The following CTHRC1 variants were observed in gnomAD, a reference collection of about 807,000 sequenced individuals.
CTHRC1 encodes collagen triple helix repeat-containing protein 1.
In CTHRC1, 21 loss-of-function variants were observed where a neutral mutation model predicts 25.9. The observed-to-expected ratio is 0.81, with a 90% CI of 0.57 to 1.17. The LOEUF (loss-of-function observed/expected upper bound fraction) is 1.17, where lower values mean the gene tolerates loss of function less well. CTHRC1 is among the 50% of genes most tolerant of loss of function. The probability of loss-of-function intolerance (pLI) is 0.00; values close to 1 mark genes in which losing one functional copy is unlikely to be tolerated. For missense variants in CTHRC1, 281 were observed against 304.3 expected (o/e 0.92, Z 0.57); for synonymous variants, 109 against 113.1 (o/e 0.96, Z 0.23).
Position 103,371,759 on chromosome 8 carries a change from A to C in CTHRC1, c.103A>C (p.Lys35Gln). Residue 35 changes from lysine (K) to glutamine (Q), a missense_variant, in exon 1 of 4, where the codon AAG becomes CAG. By Grantham distance (53) the Lys-to-Gln change is moderately conservative (BLOSUM62 1). Coordinates refer to ENST00000330295, the MANE Select transcript of CTHRC1 (RefSeq NM_138455.4). ...PAPSSASEIP[K>Q]GKQKAQLRQR... ...GCCGTCGAGCGCCTCTGAGATCCCCAAGGGGAAGCAAAAGGCGCAGCTCCG... is the reference window on the plus strand; with the variant it reads ...GCCGTCGAGCGCCTCTGAGATCCCCCAGGGGAAGCAAAAGGCGCAGCTCCG... 1 of 1,534,966 alleles carries C rather than the reference A, an allele frequency of 6.5e-7. No homozygotes were observed. The highest frequency in any genetic ancestry group is 8.8e-7 in the Non-Finnish European group (1 of 1,140,936).
In CTHRC1 at chr8:103,382,470, G is replaced by T; in HGVS notation, c.602G>T (p.Cys201Phe). 6.2e-7 allele frequency: 1 copy of T among 1,613,842 alleles called. No individual in the cohort carries two copies. Among genetic ancestry groups the T allele is most frequent in the Non-Finnish European group, 8.5e-7 (1 of 1,179,854 alleles). The change falls in exon 4 of 4, where the codon TGT (cysteine) becomes TTT (phenylalanine). Residue 201 changes from cysteine to phenylalanine, a missense_variant. Transcript: ENST00000330295. ...CTTTGTCTTGCAGTGGAAGGACTTT[G>T]TGAAGGAATTGGTGCTGGATTAGTG... ...IHRTSSVEGL[C>F]EGIGAGLVDV... is the part of the protein sequence containing the mutation.
intron 1 of CTHRC1, among the ~76,000 whole-genome samples, chr8:103,372,193 C>T (rs552108687): frequency 6.6e-6 from 1 of 152,212 alleles, no homozygotes; most frequent in Admixed American, 6.5e-5. Flanking sequence ...CGAAGTGGAC[C>T]TGGGAAAAAC....
chr8:103,372,053 G>A (rs1815714017), intron 1 of CTHRC1, among the ~76,000 whole-genome samples: 1 of 152,144 alleles, frequency 6.6e-6, no homozygotes, highest in African/African-American at 2.4e-5. Flanking sequence ...GCGGACATGC[G>A]ATATGGGCCC....
In CTHRC1 at chr8:103,375,745, G is replaced by A; in HGVS notation, c.158G>A (p.Gly53Glu). 6.2e-7 allele frequency: 1 copy of A among 1,613,434 alleles called. No homozygotes were observed. Among genetic ancestry groups the A allele is most frequent in the Non-Finnish European group, 8.5e-7 (1 of 1,179,452 alleles). ...TTTTCTTTCTCATTATAGTATAATG[G>A]AATGTGCTTACAAGGGCCAGCAGGA... ...RQREVVDLYN[G>E]MCLQGPAGVP... Residue 53 changes from glycine to glutamate, a missense_variant, in exon 2 of 4, where the codon GGA becomes GAA. Transcript: ENST00000330295.
rs771540899 is a variant in CTHRC1 at position 103,382,524 on chromosome 8, C to T, written c.656C>T (p.Ser219Leu). 6.2e-7 allele frequency: 1 copy of T among 1,613,256 alleles called. No homozygotes were observed. Among genetic ancestry groups the T allele is most frequent in the South Asian group, 1.1e-5 (1 of 91,062 alleles). The change falls in exon 4 of 4, where the codon TCA (serine) becomes TTA (leucine). Residue 219 changes from serine (S) to leucine (L), a missense_variant. Transcript: ENST00000330295. ...GTTGCTATCTGGGTTGGTACTTGTT[C>T]AGATTACCCAAAAGGAGATGCTTCT... Reference protein sequence around the residue: ...VDVAIWVGTCSDYPKGDASTG... With the variant: ...VDVAIWVGTCLDYPKGDASTG...
intron 2 of CTHRC1, among the ~76,000 whole-genome samples, chr8:103,376,488 A>T (rs936883158): frequency 3.3e-5 from 5 of 152,214 alleles, no homozygotes; most frequent in African/African-American, 1.2e-4. Context: ...CTGCAACATT[A>T]AGGCTGAGTG....
At position 103,382,668 on chromosome 8, in the gene CTHRC1, TTAAA is replaced by T. The variant is rs1366016812; in HGVS notation, c.*72_*75del. ...TGGAATGGTTCACTTAAATGACATT[TTAAA>T]TAAGTTTATGTATACATCTGAATGA... On this transcript the variant is annotated 3_prime_UTR_variant, in exon 4 of 4. Coordinates refer to ENST00000330295, the MANE Select transcript of CTHRC1 (RefSeq NM_138455.4). The T allele has an allele frequency of 3.7e-6, 5 of 1,348,568 alleles. No individual in the cohort carries two copies. Among genetic ancestry groups the T allele is most frequent in the Non-Finnish European group, 5.3e-6 (5 of 939,754 alleles). The allele number at this position is 1,348,568 out of a possible 1,614,324, so 83.5% of individuals were successfully genotyped here. A position where few individuals can be genotyped will look rare whatever the true frequency, so the allele number is the denominator to read the frequency against.
chr8:103,380,545 A>G (rs1815888800), intron 3 of CTHRC1, among the ~76,000 whole-genome samples: 3 of 152,230 alleles, frequency 2.0e-5, no homozygotes. Flanking sequence ...AATGGTTGTC[A>G]TCTGTTACAT....
At chr8:103,377,113 G>C (rs1046525862) in intron 2 of CTHRC1, 30 of 152,108 alleles carry the variant, frequency 2.0e-4, no homozygotes, top group Non-Finnish European at 2.8e-4. Flanking sequence ...AGGATAATAG[G>C]TCCATGAGCC....
intron 1 of CTHRC1, among the ~76,000 whole-genome samples, chr8:103,373,802 C>T (rs1815756407): frequency 6.6e-6 from 1 of 151,128 alleles, no homozygotes; most frequent in Non-Finnish European, 1.5e-5. Flanking sequence ...TTGAGATCCA[C>T]TGATATATAA....
rs748382570 is a variant in CTHRC1 at position 103,375,780 on chromosome 8, C to T, written c.193C>T (p.Arg65Ter). 2.2e-5 allele frequency: 36 copies of T among 1,613,810 alleles called. 1 individual carries two copies. The East Asian group carries it at 6.0e-4, about 27-fold the overall frequency. Residue 65 changes from arginine to a stop codon, truncating the protein, a stop_gained, in exon 2 of 4, where the codon CGA becomes TGA. Transcript: ENST00000330295. LOFTEE classifies it high-confidence loss of function. ...ACAAGGGCCAGCAGGAGTGCCTGGT[C>T]GAGACGGGAGCCCTGGGGCCAATGG... is the stretch of plus-strand genomic sequence containing the variant. ...CLQGPAGVPGRDGSPGANGIP... is the reference protein window; with the variant it reads ...CLQGPAGVPG
rs761452801 is a variant in CTHRC1 at position 103,375,954 on chromosome 8, A to G, written c.367A>G (p.Ile123Val). Residue 123 changes from isoleucine (I) to valine (V), a missense_variant, in exon 2 of 4, where the codon ATT becomes GTT. Transcript: ENST00000330295. Reference sequence around the variant, plus strand: ...GAATTATGGCATAGATCTTGGGAAAATTGCGGTAAGTTTGAATTATTTTAA... The same window carrying G: ...GAATTATGGCATAGATCTTGGGAAAGTTGCGGTAAGTTTGAATTATTTTAA... ...SLNYGIDLGK[I>V]AECTFTKMRS... 6.2e-7 allele frequency: 1 copy of G among 1,611,658 alleles called. No homozygotes were observed. The highest frequency in any genetic ancestry group is 1.3e-5 in the African/African-American group (1 of 74,866).
chr8:103,381,813 A>C (rs1048676720), intron 3 of CTHRC1, among the ~76,000 whole-genome samples: 17 of 152,146 alleles, frequency 1.1e-4, no homozygotes, highest in African/African-American at 4.1e-4. Context: ...CCTGGCTAAC[A>C]CGATGAAACT....
chr8:103,372,588 C>T (rs754627863), intron 1 of CTHRC1: 19 of 1,598,114 alleles, frequency 1.2e-5, no homozygotes, highest in Non-Finnish European at 1.4e-5. Flanking sequence ...AGTCAAGCTA[C>T]GGGAGAAAAC....
At chr8:103,382,113 T>G (rs1414259832) in intron 3 of CTHRC1, among the ~76,000 whole-genome samples, 1 of 152,220 alleles carries the variant, frequency 6.6e-6, no homozygotes, top group Non-Finnish European at 1.5e-5. Flanking sequence ...AAGTCTTGGC[T>G]TTTAAAAGTA....
chr8:103,378,342 AC>A, intron 3 of CTHRC1, 99 bp downstream of exon 3: 1 of 942,886 alleles, frequency 1.1e-6, no homozygotes, highest in Non-Finnish European at 1.7e-6. Context: ...CTGTAAAGGG[AC>A]CTCTAGCAAG....
chr8:103,372,519 C>G, intron 1 of CTHRC1: 1 of 1,598,078 alleles, frequency 6.3e-7, no homozygotes, highest in Non-Finnish European at 8.5e-7. Context: ...ACCAAATGGG[C>G]AGTCTGTCAT....
At chr8:103,372,076 C>T (rs1156864017) in intron 1 of CTHRC1, among the ~76,000 whole-genome samples, 4 of 152,174 alleles carry the variant, frequency 2.6e-5, no homozygotes, top group East Asian at 1.9e-4. Context: ...TGGGTCTCCC[C>T]GAAGTACAGG....
In CTHRC1 at chr8:103,375,878, C is replaced by G. The variant is rs145838701; in HGVS notation, c.291C>G (p.Ser97Arg). 2.2e-5 allele frequency: 35 copies of G among 1,614,006 alleles called. No homozygotes were observed. The highest frequency in any genetic ancestry group is 8.3e-5 in the Admixed American group (5 of 59,996). Residue 97 changes from serine to arginine, a missense_variant, in exon 2 of 4, where the codon AGC becomes AGG. Coordinates refer to ENST00000330295, the MANE Select transcript of CTHRC1 (RefSeq NM_138455.4). Reference protein sequence around the residue: ...KGEKGECLRESFEESWTPNYK... With the variant: ...KGEKGECLRERFEESWTPNYK... Reference sequence around the variant, plus strand: ...AAAAGGGGGAATGTCTGAGGGAAAGCTTTGAGGAGTCCTGGACACCCAACT... The same window carrying G: ...AAAAGGGGGAATGTCTGAGGGAAAGGTTTGAGGAGTCCTGGACACCCAACT...
Sources: gnomAD v4.1 joint callset for allele counts (sites outside exome capture counted in the v4.1 genomes callset) on GRCh38, gnomAD v4.1.1 for gene constraint, MANE v1.5 for transcripts, NCBI Gene and HGNC (gene_info 2026-07-23, HGNC 2026-07-21) for gene names.